The following GREB1L variants were observed in gnomAD, a reference collection of about 807,000 sequenced individuals.
The protein encoded by GREB1L is GREB1 like retinoic acid receptor coactivator, also known as GREB1-like protein.
GREB1L carries 17 observed loss-of-function variants against 200.8 expected under a neutral mutation model. The observed-to-expected ratio is 0.08, with a 90% confidence interval of 0.06 to 0.13. The LOEUF (loss-of-function observed/expected upper bound fraction) is 0.13. GREB1L is among the 10% of genes least tolerant of loss of function. The pLI is 1.00. For synonymous variants in GREB1L, 789 were observed against 893.0 expected, an observed-to-expected ratio of 0.88 and a Z score of 2.08; for missense variants, 1,657 against 2,367.7, an observed-to-expected ratio of 0.70 and a Z score of 6.23.
At chr18:21,326,171 TA>T (rs1255501115) in intron 1 of GREB1L, among the ~76,000 whole-genome samples, 8 of 152,112 alleles carry the variant, frequency 5.3e-5, no homozygotes, top group African/African-American at 2.4e-5. Flanking sequence ...GAAAATATCA[TA>T]AATTGATACA....
At chr18:21,454,061 G>A (rs932962186) in intron 14 of GREB1L, among the ~76,000 whole-genome samples, 2 of 152,132 alleles carry the variant, frequency 1.3e-5, no homozygotes, top group Non-Finnish European at 1.5e-5. Flanking sequence ...CAGTGTAGTC[G>A]GTCTCCTCCA....
At chr18:21,475,313 T>C (rs2035643659) in intron 16 of GREB1L, among the ~76,000 whole-genome samples, 1 of 152,020 alleles carries the variant, frequency 6.6e-6, no homozygotes, top group Admixed American at 6.6e-5. Flanking sequence ...ACCTGAAAGC[T>C]TCCCCAGTTT....
intron 1 of GREB1L, among the ~76,000 whole-genome samples, chr18:21,286,392 G>A (rs549567675): frequency 2.2e-4 from 34 of 152,158 alleles, no homozygotes; most frequent in African/African-American, 8.2e-4. Context: ...GAAGGAGGAG[G>A]GTGTAATAAA....
intron 21 of GREB1L, 59 bp downstream of exon 21, chr18:21,496,757 A>T: frequency 6.6e-7 from 1 of 1,521,518 alleles, no homozygotes; most frequent in Non-Finnish European, 8.8e-7. Flanking sequence ...GGTGTGTAGG[A>T]ATTTGGAAGG....
At chr18:21,261,223 C>A (rs911736139) in intron 1 of GREB1L, among the ~76,000 whole-genome samples, 2 of 151,910 alleles carry the variant, frequency 1.3e-5, no homozygotes, top group African/African-American at 4.8e-5. Context: ...ATATTCTTCA[C>A]CACTGATTAA....
At chr18:21,418,270 A>G (rs1283456102) in intron 7 of GREB1L, among the ~76,000 whole-genome samples, 1 of 152,150 alleles carries the variant, frequency 6.6e-6, no homozygotes. Flanking sequence ...CTCAGTATCC[A>G]CAAGGGCTTG....
At chr18:21,443,452 C>G (rs2034025862) in intron 10 of GREB1L, among the ~76,000 whole-genome samples, 1 of 152,204 alleles carries the variant, frequency 6.6e-6, no homozygotes, top group Non-Finnish European at 1.5e-5. Context: ...GGTGATCCAC[C>G]CGCCTGGGCC....
At chr18:21,321,384 T>G (rs961728257) in intron 1 of GREB1L, among the ~76,000 whole-genome samples, 7 of 151,590 alleles carry the variant, frequency 4.6e-5, no homozygotes, top group African/African-American at 1.7e-4. Context: ...TTTCCCAGTT[T>G]TTTAAAAAAT....
At chr18:21,436,763 T>A (rs1226544349) in intron 7 of GREB1L, among the ~76,000 whole-genome samples, 1 of 148,804 alleles carries the variant, frequency 6.7e-6, no homozygotes, top group Admixed American at 6.8e-5. Flanking sequence ...CAGGCTGGAG[T>A]ACACTGGTGC....
At chr18:21,367,216 A>G (rs1171327759) in intron 2 of GREB1L, among the ~76,000 whole-genome samples, 2 of 152,204 alleles carry the variant, frequency 1.3e-5, no homozygotes, top group Non-Finnish European at 2.9e-5. Flanking sequence ...AAAAGGTTTT[A>G]TGAGTCTTAT....
intron 7 of GREB1L, among the ~76,000 whole-genome samples, chr18:21,430,848 G>A (rs552680192): frequency 4.3e-4 from 65 of 151,046 alleles, no homozygotes; most frequent in Middle Eastern, 3.4e-3. Flanking sequence ...TGCCCACCTC[G>A]GCCTCCCAAA....
intron 1 of GREB1L, among the ~76,000 whole-genome samples, chr18:21,267,873 GAGCCTAAT>G (rs2037998035): frequency 6.6e-6 from 1 of 150,390 alleles, no homozygotes; most frequent in Non-Finnish European, 1.5e-5. Context: ...TGCTCCCAGA[GAGCCTAAT>G]AGCTAAAAAA....
At chr18:21,323,730 G>T (rs2038983747) in intron 1 of GREB1L, among the ~76,000 whole-genome samples, 1 of 152,248 alleles carries the variant, frequency 6.6e-6, no homozygotes, top group Non-Finnish European at 1.5e-5. Flanking sequence ...GGGTATCATA[G>T]CAAGACCCCA....
At chr18:21,297,533 G>A (rs965209902) in intron 1 of GREB1L, among the ~76,000 whole-genome samples, 1 of 152,126 alleles carries the variant, frequency 6.6e-6, no homozygotes, top group Non-Finnish European at 1.5e-5. Context: ...ATGGAAGAAG[G>A]TCTTGACAGA....
intron 1 of GREB1L, among the ~76,000 whole-genome samples, chr18:21,362,269 T>A (rs1397133487): frequency 2.0e-5 from 3 of 152,122 alleles, no homozygotes; most frequent in Non-Finnish European, 4.4e-5. Context: ...TTATATAAGT[T>A]GAAATTTTTT....
At chr18:21,441,632 C>T (rs2033908398) in intron 10 of GREB1L, 95 bp downstream of exon 10, 2 of 1,141,462 alleles carry the variant, frequency 1.8e-6, no homozygotes, top group East Asian at 2.7e-5. Context: ...TGAAGATATT[C>T]ATCCATCTGT....
At chr18:21,318,126 CAA>C (rs1281665993) in intron 1 of GREB1L, among the ~76,000 whole-genome samples, 48 of 115,052 alleles carry the variant, frequency 4.2e-4, no homozygotes, top group East Asian at 1.0e-3. Context: ...AAAAAAAAAA[CAA>C]AGAGAGAAAG....
At position 21,415,376 on chromosome 18, in the gene GREB1L, C is replaced by T. The variant is rs149996882; in HGVS notation, c.832+11382C>T. ...CAAAACAATAAAGAAATTAGTTAGG[C>T]ATGATGGCGTGTGCCTGTAGCACTG... is the stretch of plus-strand genomic sequence containing the variant. On this transcript the variant is annotated intron_variant, in intron 7 of 32. Coordinates refer to ENST00000424526, the MANE Select transcript of GREB1L (RefSeq NM_001142966.3). 3.3e-5 allele frequency among the ~76,000 whole-genome samples: 5 copies of T among 152,182 alleles called. No homozygotes were observed. In the East Asian group the frequency reaches 9.7e-4, roughly 29 times the overall value.
chr18:21,432,212 C>T (rs377280085), intron 7 of GREB1L, among the ~76,000 whole-genome samples: 1 of 152,054 alleles, frequency 6.6e-6, no homozygotes, highest in African/African-American at 2.4e-5. Context: ...CGTGAGCCAC[C>T]GTGCCCGGCC....
Sources: allele counts gnomAD v4.1 joint callset (sites outside exome capture counted in the v4.1 genomes callset), GRCh38; gene constraint gnomAD v4.1.1; transcripts MANE v1.5; gene names NCBI Gene and HGNC (gene_info 2026-07-23, HGNC 2026-07-21).